Variants in CNTNAP3 observed in about 807,000 individuals in gnomAD.
The protein encoded by CNTNAP3 is contactin-associated protein-like 3.
In CNTNAP3, 36 loss-of-function variants were observed where a neutral mutation model predicts 92.1. The observed-to-expected ratio is 0.39, with a 90% CI of 0.30 to 0.52. CNTNAP3 has a LOEUF of 0.52. Ranked by LOEUF, CNTNAP3 falls within the 20% of genes least tolerant of loss-of-function variation. CNTNAP3 has a pLI of 0.76. For missense variants in CNTNAP3, 534 were observed against 1,069.6 expected (o/e 0.50, Z 6.98); for synonymous variants, 232 against 422.3 (o/e 0.55, Z 5.53).
At chr9:39,120,661 T>G (rs866234178) in intron 13 of CNTNAP3, among the ~76,000 whole-genome samples, 1 of 152,010 alleles carries the variant, frequency 6.6e-6, no homozygotes. Context: ...CAGAGTGAGA[T>G]TCCATCTCCA....
Position 39,067,008 on chromosome 9 carries a change from G to C in CNTNAP3, c.*6882C>G, listed in dbSNP as rs1400468446. ...ACACACAGATTAGGCAACTGAAGTT[G>C]TCCCACAGATCACCGATACTCTGAT... On this transcript the variant is annotated 3_prime_UTR_variant, in exon 24 of 24. Transcript: ENST00000297668. Among the ~76,000 whole-genome samples the C allele has an allele frequency of 2.7e-4, 41 of 150,138 alleles. No individual in the cohort carries two copies. Among genetic ancestry groups the C allele is most frequent in the African/African-American group, 1.0e-3 (41 of 39,672 alleles).
At chr9:39,108,740 G>A (rs541348620) in intron 15 of CNTNAP3, among the ~76,000 whole-genome samples, 2 of 152,116 alleles carry the variant, frequency 1.3e-5, no homozygotes, top group East Asian at 1.9e-4. Flanking sequence ...ATACACATTC[G>A]GTGCCATGTA....
chr9:39,151,784 CTT>C (rs1821849634), intron 9 of CNTNAP3, among the ~76,000 whole-genome samples: 3 of 145,882 alleles, frequency 2.1e-5, no homozygotes, highest in Admixed American at 2.0e-4. Flanking sequence ...AAATTTTATC[CTT>C]TGCCTTATTT....
intron 15 of CNTNAP3, among the ~76,000 whole-genome samples, chr9:39,104,545 G>C (rs2117877036): frequency 6.8e-6 from 1 of 147,066 alleles, no homozygotes; most frequent in South Asian, 2.1e-4. Flanking sequence ...TTCATGGCAA[G>C]AACAATCAAG....
chr9:39,146,068 T>C (rs1164339409), intron 10 of CNTNAP3, among the ~76,000 whole-genome samples: 1 of 152,092 alleles, frequency 6.6e-6, no homozygotes. Flanking sequence ...AAGAACTATT[T>C]AAGTGATCTA....
intron 14 of CNTNAP3, among the ~76,000 whole-genome samples, chr9:39,110,969 C>T (rs1826733536): frequency 6.6e-6 from 1 of 151,766 alleles, no homozygotes; most frequent in Non-Finnish European, 1.5e-5. Flanking sequence ...GCATTTGTGG[C>T]AAAAGATCAC....
In CNTNAP3 at chr9:39,068,308, C is replaced by T. The variant is rs1443094562; in HGVS notation, c.*5582G>A. ...GCTTGTGCCTGTAGTCCCAGCTACT[C>T]GGGAGGCTGAGGCAGGAGAATGGCA... On this transcript the variant is annotated 3_prime_UTR_variant, in exon 24 of 24. Transcript: ENST00000297668. Among the ~76,000 whole-genome samples the T allele has an allele frequency of 0.019, 2,665 of 143,104 alleles. No individual in the cohort carries two copies. The highest frequency in any genetic ancestry group is 0.023 in the Non-Finnish European group (1,434 of 63,104). The allele number at this position is 143,104 out of a possible 152,430, so 93.9% of individuals were successfully genotyped here.
At chr9:39,134,165 G>C (rs1294381249) in intron 12 of CNTNAP3, among the ~76,000 whole-genome samples, 1 of 152,084 alleles carries the variant, frequency 6.6e-6, no homozygotes, top group East Asian at 1.9e-4. Flanking sequence ...TCAGAGGAAA[G>C]AAGGAAAAGA....
chr9:39,071,074 T>A lies in CNTNAP3; in HGVS notation c.*2816A>T, dbSNP rs1160527563. ...GAAGAGATTAGCTCTTACAACCTTA[T>A]CTTTGTCTCATCTATAAAACTGAGG... On this transcript the variant is annotated 3_prime_UTR_variant, in exon 24 of 24. Coordinates refer to ENST00000297668, the MANE Select transcript of CNTNAP3 (RefSeq NM_033655.5). Among the ~76,000 whole-genome samples, 1 of 152,276 alleles carries A rather than the reference T, an allele frequency of 6.6e-6. No homozygotes were observed. Among genetic ancestry groups the A allele is most frequent in the Admixed American group, 6.5e-5 (1 of 15,282 alleles).
At chr9:39,122,142 C>A (rs965346379) in intron 13 of CNTNAP3, among the ~76,000 whole-genome samples, 1 of 152,140 alleles carries the variant, frequency 6.6e-6, no homozygotes, top group African/African-American at 2.4e-5. Flanking sequence ...ATCATGAGGT[C>A]AGGAGATCGA....
At chr9:39,077,692 G>A (rs147715710) in intron 23 of CNTNAP3, among the ~76,000 whole-genome samples, 2,007 of 152,244 alleles carry the variant, frequency 0.013, no homozygotes, top group Non-Finnish European at 0.019. Context: ...CTGATAATTA[G>A]CTGAGGTTTC....
rs1472051474 is a variant in CNTNAP3, at chr9:39,067,246, G to C, written c.*6644C>G. 6.6e-6 allele frequency among the ~76,000 whole-genome samples: 1 copy of C among 152,310 alleles called. No individual in the cohort carries two copies. Among genetic ancestry groups the C allele is most frequent in the African/African-American group, 2.4e-5 (1 of 41,488 alleles). ...CTAATCTTTGAAAATACGGAATATA[G>C]TCATAATATTTTTCATTAGTAATTC... On this transcript the variant is annotated 3_prime_UTR_variant, in exon 24 of 24. Coordinates refer to ENST00000297668, the MANE Select transcript of CNTNAP3 (RefSeq NM_033655.5).
Position 39,102,613 on chromosome 9 carries a change from C to G in CNTNAP3, c.2639G>C (p.Arg880Thr). ...CGCTCCTTTAACATTTCTCTCTGCC[C>G]TCACGTGGTGCCACTGATTGTCATT... ...PFNDNQWHHV[R>T]AERNVKGASL... The change falls in exon 17 of 24, where the codon AGG becomes ACG. Residue 880 changes from arginine to threonine, a missense_variant. By Grantham distance (71) the Arg-to-Thr change is moderately conservative (BLOSUM62 -1). Transcript: ENST00000297668. 9 of 1,414,174 alleles carry G rather than the reference C, an allele frequency of 6.4e-6. No homozygotes were observed. The highest frequency in any genetic ancestry group is 8.7e-6 in the Non-Finnish European group (9 of 1,028,696). The allele number at this position is 1,414,174 out of a possible 1,614,324, so 87.6% of individuals were successfully genotyped here.
At chr9:39,108,269 C>T (rs1008100565) in intron 15 of CNTNAP3, among the ~76,000 whole-genome samples, 7 of 151,884 alleles carry the variant, frequency 4.6e-5, no homozygotes, top group African/African-American at 1.5e-4. Flanking sequence ...GGAGACAAGC[C>T]GGTCCCCCCC....
chr9:39,075,949 A>G (rs1316278405), intron 23 of CNTNAP3, among the ~76,000 whole-genome samples: 6 of 152,298 alleles, frequency 3.9e-5, no homozygotes, highest in African/African-American at 1.4e-4. Flanking sequence ...TACTGCCTAC[A>G]TCGTACATTT....
At chr9:39,180,842 C>T (rs1758505) in intron 4 of CNTNAP3, among the ~76,000 whole-genome samples, 1 of 146,810 alleles carries the variant, frequency 6.8e-6, no homozygotes, top group South Asian at 2.2e-4. Context: ...AGTCTTGGTC[C>T]TTAGAAGTAA....
Position 39,140,576 on chromosome 9 carries a change from T to C in CNTNAP3, c.1819A>G (p.Ile607Val). Reference protein sequence around the residue: ...HRGNPSGLYYIDADGSGPLGP... With the variant: ...HRGNPSGLYYVDADGSGPLGP... ...AGGGGGCCACTTCCATCTGCATCAATATAGTAAAGCCCAGACGGGTTCCCT... is the reference window on the plus strand; with the variant it reads ...AGGGGGCCACTTCCATCTGCATCAACATAGTAAAGCCCAGACGGGTTCCCT... The change falls in exon 12 of 24, where the codon ATT (isoleucine) becomes GTT (valine). Residue 607 changes from isoleucine (I) to valine (V), a missense_variant. Ile to Val is a conservative substitution (Grantham distance 29, BLOSUM62 3). Transcript: ENST00000297668. 1 of 1,613,748 alleles carries C rather than the reference T, an allele frequency of 6.2e-7. No homozygotes were observed. Among genetic ancestry groups the C allele is most frequent in the Non-Finnish European group, 8.5e-7 (1 of 1,179,782 alleles).
intron 14 of CNTNAP3, among the ~76,000 whole-genome samples, chr9:39,109,637 A>G (rs977490): frequency 6.6e-6 from 1 of 152,230 alleles, no homozygotes; most frequent in Non-Finnish European, 1.5e-5. Context: ...AAGTTTTATA[A>G]GACATGAAAT....
chr9:39,117,190 C>T (rs542228294), intron 14 of CNTNAP3, among the ~76,000 whole-genome samples: 192 of 152,148 alleles, frequency 1.3e-3, no homozygotes, highest in African/African-American at 4.4e-3. Context: ...CGGGGTTTTG[C>T]CACATTGGCC....
Sources: allele counts gnomAD v4.1 joint callset (sites outside exome capture counted in the v4.1 genomes callset), GRCh38; gene constraint gnomAD v4.1.1; transcripts MANE v1.5; gene names NCBI Gene and HGNC (gene_info 2026-07-23, HGNC 2026-07-21).